CLCN5: variants seen among roughly 807,000 people sequenced by gnomAD.
The protein encoded by CLCN5 is Cl-/H+ antiporter 5, also known as H(+)/Cl(-) exchange transporter 5.
CLCN5 carries 17 observed loss-of-function variants against 54.0 expected under a neutral mutation model. The ratio of observed to expected loss-of-function variants is 0.31; its 90% CI spans 0.22 to 0.47. The LOEUF is 0.47. Among genes scored for constraint, CLCN5 ranks in the 20% least tolerant of loss-of-function variants. The probability of loss-of-function intolerance (pLI) is 1.00; values close to 1 mark genes in which losing one functional copy is unlikely to be tolerated. For missense variants in CLCN5, 448 were observed against 646.7 expected (o/e 0.69, Z 3.33); for synonymous variants, 222 against 233.0 (o/e 0.95, Z 0.43).
intron 4 of CLCN5, among the ~76,000 whole-genome samples, chrX:50,060,665 G>C (rs1287789809): frequency 8.9e-6 from 1 of 112,201 alleles, no homozygotes; most frequent in Non-Finnish European, 1.9e-5. Flanking sequence ...ACAGCTCAAG[G>C]AGGCCTGCCT....
intron 3 of CLCN5, among the ~76,000 whole-genome samples, chrX:49,943,879 A>G (rs1410286372): frequency 1.2e-4 from 13 of 111,069 alleles, no homozygotes; most frequent in African/African-American, 4.3e-4. Context: ...TTGACTTGGC[A>G]ATGCGGGCTC....
intron 3 of CLCN5, among the ~76,000 whole-genome samples, chrX:50,000,826 C>T (rs887288944): frequency 8.9e-6 from 1 of 111,996 alleles, no homozygotes; most frequent in Non-Finnish European, 1.9e-5. Flanking sequence ...CTTCCTTAAT[C>T]CATATGCTTT....
chrX:50,001,231 C>T (rs1366987074), intron 3 of CLCN5, among the ~76,000 whole-genome samples: 1 of 111,006 alleles, frequency 9.0e-6, no homozygotes, highest in African/African-American at 3.3e-5. Flanking sequence ...TGATCCCCCT[C>T]TCCTTACTGC....
Position 50,007,420 on chromosome X carries a change from TCTC to T in CLCN5, c.17-34895_17-34893del, listed in dbSNP as rs1930234299. On this transcript the variant is annotated intron_variant, in intron 3 of 14. Coordinates refer to ENST00000376091, the MANE Select transcript of CLCN5 (RefSeq NM_001127898.4). ...CTTTCTCTCTCTCTCTCTCTCTCTCTCTCTCTCTCTCTCTCTCTGTCACACACA... is the reference window on the plus strand; with the variant it reads ...CTTTCTCTCTCTCTCTCTCTCTCTCTTCTCTCTCTCTCTCTGTCACACACA... Among the ~76,000 whole-genome samples, 18 of 97,252 alleles carry T rather than the reference TCTC, an allele frequency of 1.9e-4. 1 individual carries two copies. The highest frequency in any genetic ancestry group is 8.0e-4 in the African/African-American group (17 of 21,220). 84.5% of individuals were successfully genotyped at this position (97,252 alleles called of 115,157 possible).
At position 49,982,928 on chromosome X, in the gene CLCN5, A is replaced by G. The variant is rs1280405757; in HGVS notation, c.16+57614A>G. Among the ~76,000 whole-genome samples, 3 of 112,248 alleles carry G rather than the reference A, an allele frequency of 2.7e-5. No individual in the cohort carries two copies. In the Admixed American group the frequency reaches 2.8e-4, roughly 11 times the overall value. On this transcript the variant is annotated intron_variant, in intron 3 of 14. Transcript: ENST00000376091. The stretch of plus-strand genomic sequence containing the variant: ...CTTATTTTAATAGCTAAATTAAATA[A>G]TATCACATAGATTCCTTGAGATCAG...
At chrX:50,042,137 C>T (rs1157580824) in intron 3 of CLCN5, among the ~76,000 whole-genome samples, 179 bp from the exon 4 acceptor site, 2 of 111,894 alleles carry the variant, frequency 1.8e-5, no homozygotes, top group African/African-American at 6.5e-5. Context: ...TTGTTGGGTA[C>T]AGAATTTCTG....
intron 3 of CLCN5, among the ~76,000 whole-genome samples, chrX:49,984,990 T>C (rs1362232221): frequency 9.1e-6 from 1 of 110,497 alleles, no homozygotes; most frequent in Non-Finnish European, 1.9e-5. Context: ...TTTTTTGCTG[T>C]TGTTGTTTGA....
chrX:50,020,883 CT>C (rs1331523128), intron 3 of CLCN5, among the ~76,000 whole-genome samples: 2 of 23,082 alleles, frequency 8.7e-5, no homozygotes, highest in Non-Finnish European at 1.3e-4. Context: ...TTACTGTAGC[CT>C]TGTAGTATAG....
intron 4 of CLCN5, among the ~76,000 whole-genome samples, chrX:50,065,052 A>G (rs1484555883): frequency 1.8e-5 from 2 of 108,267 alleles, no homozygotes; most frequent in East Asian, 5.8e-4. Context: ...TAAAACCATA[A>G]AAACCCTAGA....
chrX:50,013,258 C>T (rs1557182917), intron 3 of CLCN5: 1 of 359,663 alleles, frequency 2.8e-6, no homozygotes. Context: ...TTCTCCCATA[C>T]CCATTGCATA....
intron 3 of CLCN5, among the ~76,000 whole-genome samples, chrX:50,011,309 C>T (rs1206467469): frequency 3.6e-5 from 4 of 112,194 alleles, no homozygotes; most frequent in Non-Finnish European, 7.5e-5. Flanking sequence ...TGTTCATCAC[C>T]AAGGATATAG....
In CLCN5 at chrX:50,042,346, G is replaced by A. The variant is rs1557187256; in HGVS notation, c.47G>A (p.Gly16Glu). 1.7e-6 allele frequency: 2 copies of A among 1,173,648 alleles called. No individual in the cohort carries two copies. The highest frequency in any genetic ancestry group is 4.1e-5 in the South Asian group (2 of 49,241). The change falls in exon 4 of 15, where the codon GGG (glycine) becomes GAG (glutamate). Residue 16 changes from glycine (G) to glutamate (E), a missense_variant. Physicochemically the swap from Gly to Glu is moderately conservative, Grantham distance 98. This residue lies in a region of CLCN5 where 69 missense variants were observed against 60.9 expected (regional missense o/e 1.13). Coordinates refer to ENST00000376091, the MANE Select transcript of CLCN5 (RefSeq NM_001127898.4). ...ATGGATAACAGAGGCTTTCAGCAGG[G>A]GAGTTTTAGTAGCTTCCAGAACAGC... Reference protein sequence around the residue: ...GAMDNRGFQQGSFSSFQNSSS... With the variant: ...GAMDNRGFQQESFSSFQNSSS...
chrX:50,084,484 C>T (rs1933820132), intron 9 of CLCN5, among the ~76,000 whole-genome samples: 1 of 110,073 alleles, frequency 9.1e-6, no homozygotes, highest in African/African-American at 3.3e-5. Flanking sequence ...TGGGCTTGAG[C>T]AATTCTCCCA....
intron 3 of CLCN5, among the ~76,000 whole-genome samples, chrX:50,036,017 G>A (rs1198145147): frequency 8.9e-6 from 1 of 111,759 alleles, no homozygotes; most frequent in Non-Finnish European, 1.9e-5. Context: ...CCTCAGGCTT[G>A]TGGCCATCTA....
intron 3 of CLCN5, among the ~76,000 whole-genome samples, chrX:49,942,175 GTTGA>G (rs1926385609): frequency 0.036 from 3 of 83 alleles, no homozygotes; most frequent in Admixed American, 0.2. Flanking sequence ...TGGCATTCTT[GTTGA>G]ATTAATCTGA....
chrX:50,066,301 A>G (rs1228209518), intron 4 of CLCN5, among the ~76,000 whole-genome samples: 6 of 110,228 alleles, frequency 5.4e-5, no homozygotes, highest in African/African-American at 2.0e-4. Context: ...TTGCCACTTC[A>G]TTTTCAATCC....
intron 3 of CLCN5, among the ~76,000 whole-genome samples, chrX:49,995,302 G>A (rs1364305199): frequency 8.9e-6 from 1 of 111,872 alleles, no homozygotes; most frequent in Non-Finnish European, 1.9e-5. Context: ...TTGGATAGCT[G>A]CTGATAAGAC....
At chrX:50,083,884 A>G in intron 9 of CLCN5, among the ~76,000 whole-genome samples, 1 of 112,166 alleles carries the variant, frequency 8.9e-6, no homozygotes, top group Non-Finnish European at 1.9e-5. Context: ...GGTGAATTTG[A>G]AACTACAGAT....
At chrX:49,953,251 A>G (rs1927145615) in intron 3 of CLCN5, among the ~76,000 whole-genome samples, 1 of 112,145 alleles carries the variant, frequency 8.9e-6, no homozygotes. Context: ...TCATCTTTAC[A>G]TTGTAGATAT....
Sources: gnomAD v4.1 joint callset for allele counts (sites outside exome capture counted in the v4.1 genomes callset) on GRCh38, gnomAD v4.1.1 for gene constraint, gnomAD v4.1.1 regional missense constraint, MANE v1.5 for transcripts, NCBI Gene and HGNC (gene_info 2026-07-23, HGNC 2026-07-21) for gene names.